Variants in KIAA1549L observed in about 807,000 individuals in gnomAD.
KIAA1549L encodes the protein UPF0606 protein KIAA1549L.
A neutral mutation model predicts 160.7 loss-of-function variants in KIAA1549L; 88 were observed. The observed-to-expected ratio is 0.55, with a 90% CI of 0.46 to 0.65. KIAA1549L has a LOEUF of 0.65. KIAA1549L is among the 30% of genes least tolerant of loss of function. The pLI is 0.00. For missense variants in KIAA1549L, 2,258 were observed against 2,437.5 expected, an observed-to-expected ratio of 0.93 and a Z score of 1.55; for synonymous variants, 950 against 976.7, an observed-to-expected ratio of 0.97 and a Z score of 0.51.
At position 33,615,853 on chromosome 11, in the gene KIAA1549L, G is replaced by C. The variant is rs938674127; in HGVS notation, c.5280-2680G>C. Among the ~76,000 whole-genome samples the C allele has an allele frequency of 3.3e-5, 5 of 152,316 alleles. No homozygotes were observed. The South Asian group carries it at 1.0e-3, about 32-fold the overall frequency. ...TGGGCTAATTGATAATCTCAAGACA[G>C]TTGTAAAGTCTGCCTTTTCCCAAAA... On this transcript the variant is annotated intron_variant, in intron 15 of 20. Coordinates refer to ENST00000658780, the MANE Select transcript of KIAA1549L (RefSeq NM_012194.3).
chr11:33,378,439 G>A (rs1850000296), intron 1 of KIAA1549L, among the ~76,000 whole-genome samples: 1 of 152,160 alleles, frequency 6.6e-6, no homozygotes, highest in Non-Finnish European at 1.5e-5. Context: ...GACCGCCAGA[G>A]CCTGATTTAG....
chr11:33,581,403 G>GTT (rs1248141064), intron 10 of KIAA1549L, among the ~76,000 whole-genome samples: 1 of 124,282 alleles, frequency 8.0e-6, no homozygotes, highest in African/African-American at 3.9e-5. Context: ...CAAATTGTGT[G>GTT]TGTGTGTGTG....
chr11:33,485,364 G>A (rs1852500391), intron 1 of KIAA1549L, among the ~76,000 whole-genome samples: 1 of 152,002 alleles, frequency 6.6e-6, no homozygotes, highest in Non-Finnish European at 1.5e-5. Flanking sequence ...TTTATCTTTT[G>A]ACATTCCAAA....
intron 8 of KIAA1549L, among the ~76,000 whole-genome samples, chr11:33,562,201 G>T (rs533118922): frequency 6.6e-6 from 1 of 152,136 alleles, no homozygotes; most frequent in African/African-American, 2.4e-5. Context: ...AATAGAAAGG[G>T]GTTCTTTTGG....
chr11:33,471,689 C>A (rs979712331), intron 1 of KIAA1549L, among the ~76,000 whole-genome samples: 9 of 152,176 alleles, frequency 5.9e-5, no homozygotes, highest in African/African-American at 2.2e-4. Context: ...TCCTTCCCTC[C>A]TGCTAAGAGA....
In KIAA1549L at chr11:33,482,363, G is replaced by A. The variant is rs1265034538; in HGVS notation, c.239-59439G>A. Among the ~76,000 whole-genome samples the A allele has an allele frequency of 3.3e-5, 5 of 152,010 alleles. No homozygotes were observed. In the East Asian group the frequency reaches 9.7e-4, roughly 29 times the overall value. Reference sequence around the variant, plus strand: ...AATTTCTAGAGCTAGGTTAAATAGAGGTGGTGACAATGGGACATTGTTGTT... The same window carrying A: ...AATTTCTAGAGCTAGGTTAAATAGAAGTGGTGACAATGGGACATTGTTGTT... On this transcript the variant is annotated intron_variant, in intron 1 of 20. Coordinates refer to ENST00000658780, the MANE Select transcript of KIAA1549L (RefSeq NM_012194.3).
intron 1 of KIAA1549L, among the ~76,000 whole-genome samples, chr11:33,539,352 C>T (rs1853963336): frequency 1.3e-5 from 2 of 152,182 alleles, no homozygotes; most frequent in Non-Finnish European, 1.5e-5. Flanking sequence ...CCTTTATTTA[C>T]ATGATGATGG....
chr11:33,658,785 C>T lies in KIAA1549L; in HGVS notation c.5894C>T (p.Ala1965Val), dbSNP rs1352482652. The change falls in exon 19 of 21, where the codon GCC (alanine) becomes GTC (valine). Residue 1965 changes from alanine (A) to valine (V), a missense_variant. By Grantham distance (64) the Ala-to-Val change is moderately conservative. This residue lies in a region of KIAA1549L where 1,359 missense variants were observed against 1,546.6 expected (regional missense o/e 0.88). Transcript: ENST00000658780. ...GACATCGGCAGCAAGACCAGAATGG[C>T]CGAGTCTACAGGGCCCGAGCCGGCC... ...TSDIGSKTRM[A>V]ESTGPEPAQL... 1 of 1,570,568 alleles carries T rather than the reference C, an allele frequency of 6.4e-7. No homozygotes were observed. The highest frequency in any genetic ancestry group is 1.8e-5 in the Admixed American group (1 of 54,446).
At chr11:33,491,709 C>G (rs1037677630) in intron 1 of KIAA1549L, among the ~76,000 whole-genome samples, 2 of 152,180 alleles carry the variant, frequency 1.3e-5, no homozygotes, top group East Asian at 3.8e-4. Context: ...AGGGCTGTAG[C>G]TGTCTGAAAA....
chr11:33,433,182 TCTA>T (rs1314483097), intron 1 of KIAA1549L, among the ~76,000 whole-genome samples: 1 of 152,146 alleles, frequency 6.6e-6, no homozygotes, highest in East Asian at 1.9e-4. Context: ...ATTTTTGCAA[TCTA>T]CTCATCTGAC....
intron 17 of KIAA1549L, among the ~76,000 whole-genome samples, chr11:33,648,652 G>T (rs1326796261): frequency 6.6e-6 from 1 of 151,806 alleles, no homozygotes; most frequent in Non-Finnish European, 1.5e-5. Flanking sequence ...TTTCTGCACT[G>T]CAGTTCAGGA....
intron 1 of KIAA1549L, among the ~76,000 whole-genome samples, chr11:33,492,781 A>G (rs1297244100): frequency 1.3e-5 from 2 of 152,056 alleles, no homozygotes; most frequent in African/African-American, 2.4e-5. Context: ...CACACATTCT[A>G]TTCATTATTC....
chr11:33,527,187 T>C (rs1329655436), intron 1 of KIAA1549L, among the ~76,000 whole-genome samples: 1 of 152,036 alleles, frequency 6.6e-6, no homozygotes, highest in Non-Finnish European at 1.5e-5. Context: ...CAAAAATAAT[T>C]CGTGTTCCCA....
chr11:33,425,555 A>G (rs1217275485), intron 1 of KIAA1549L, among the ~76,000 whole-genome samples: 1 of 152,212 alleles, frequency 6.6e-6, no homozygotes, highest in East Asian at 1.9e-4. Flanking sequence ...TGAGATAAAT[A>G]TTCATGGGAG....
intron 1 of KIAA1549L, among the ~76,000 whole-genome samples, chr11:33,480,534 T>A (rs565096710): frequency 1.8e-4 from 28 of 152,266 alleles, no homozygotes; most frequent in Middle Eastern, 3.4e-3. Context: ...GGTGTATACT[T>A]TTAGAAGTGT....
At chr11:33,498,103 G>A (rs1237061436) in intron 1 of KIAA1549L, among the ~76,000 whole-genome samples, 1 of 152,154 alleles carries the variant, frequency 6.6e-6, no homozygotes, top group African/African-American at 2.4e-5. Flanking sequence ...AGCCTGGGCA[G>A]CATAGGGAGA....
intron 1 of KIAA1549L, among the ~76,000 whole-genome samples, chr11:33,507,191 G>T (rs1853111811): frequency 6.6e-6 from 1 of 152,172 alleles, no homozygotes; most frequent in Non-Finnish European, 1.5e-5. Context: ...TTTATTGCTT[G>T]CTGAGGTCAG....
At chr11:33,603,804 C>CAA (rs1197577650) in intron 13 of KIAA1549L, among the ~76,000 whole-genome samples, 2 of 133,588 alleles carry the variant, frequency 1.5e-5, no homozygotes, top group South Asian at 2.4e-4. Flanking sequence ...AAGACTCCAC[C>CAA]AAAAAAAAAA....
At chr11:33,410,961 A>T (rs376334743) in intron 1 of KIAA1549L, among the ~76,000 whole-genome samples, 8 of 152,148 alleles carry the variant, frequency 5.3e-5, no homozygotes, top group East Asian at 3.8e-4. Context: ...AATGAGGAAA[A>T]GTGACTGGAT....
Sources: gnomAD v4.1 joint callset for allele counts (sites outside exome capture counted in the v4.1 genomes callset) on GRCh38, gnomAD v4.1.1 for gene constraint, gnomAD v4.1.1 regional missense constraint, MANE v1.5 for transcripts, NCBI Gene and HGNC (gene_info 2026-07-23, HGNC 2026-07-21) for gene names.